FAM178B: variants seen among roughly 807,000 people sequenced by gnomAD.
FAM178B encodes the protein family with sequence similarity 178 member B.
In FAM178B, 82 loss-of-function variants were observed where a neutral mutation model predicts 91.7. The ratio of observed to expected loss-of-function variants is 0.89; its 90% CI spans 0.75 to 1.07. FAM178B has a LOEUF of 1.07. Among genes scored for constraint, FAM178B ranks in the 50% least tolerant of loss-of-function variants. The probability of loss-of-function intolerance (pLI) is 0.00; values close to 1 mark genes in which losing one functional copy is unlikely to be tolerated. For synonymous variants in FAM178B, 368 were observed against 359.4 expected, an observed-to-expected ratio of 1.02 and a Z score of -0.27; for missense variants, 769 against 846.7, an observed-to-expected ratio of 0.91 and a Z score of 1.14.
chr2:96,896,486 G>A (rs1044079466), intron 13 of FAM178B, among the ~76,000 whole-genome samples: 10 of 152,098 alleles, frequency 6.6e-5, no homozygotes, highest in South Asian at 2.1e-4. Flanking sequence ...TCCCTACACC[G>A]ACATCACTGC....
At chr2:96,971,151 ACAT>A (rs2082211753) in intron 3 of FAM178B, among the ~76,000 whole-genome samples, 3 of 151,692 alleles carry the variant, frequency 2.0e-5, no homozygotes, top group Non-Finnish European at 1.5e-5. Flanking sequence ...CAATGATCTG[ACAT>A]CATTCCCTAT....
intron 8 of FAM178B, among the ~76,000 whole-genome samples, chr2:96,945,996 C>T (rs954917981): frequency 6.6e-6 from 1 of 152,136 alleles, no homozygotes; most frequent in African/African-American, 2.4e-5. Context: ...AGTAACTCCC[C>T]ACTCTCTCCT....
chr2:96,909,550 G>A (rs1025496468), intron 12 of FAM178B, among the ~76,000 whole-genome samples: 6 of 152,162 alleles, frequency 3.9e-5, no homozygotes, highest in East Asian at 1.9e-4. Context: ...GTCCTCTGAC[G>A]GCCCTGGGGG....
intron 1 of FAM178B, among the ~76,000 whole-genome samples, chr2:96,978,770 G>A (rs1360165873): frequency 2.0e-5 from 3 of 150,480 alleles, no homozygotes; most frequent in Non-Finnish European, 3.0e-5. Context: ...AATTACAGGC[G>A]CCCGCCACCA....
At chr2:96,922,813 T>G (rs2153371013) in intron 10 of FAM178B, among the ~76,000 whole-genome samples, 1 of 152,080 alleles carries the variant, frequency 6.6e-6, no homozygotes, top group East Asian at 1.9e-4. Flanking sequence ...CAAGCAATTC[T>G]CCTGCCTCAG....
chr2:96,904,655 A>G (rs1264725631), intron 12 of FAM178B, among the ~76,000 whole-genome samples: 1 of 150,474 alleles, frequency 6.6e-6, no homozygotes, highest in African/African-American at 2.5e-5. Context: ...TGGCCTCCCA[A>G]AGTGTTGGAA....
chr2:96,899,501 G>A (rs1395944936), intron 13 of FAM178B, among the ~76,000 whole-genome samples: 1 of 152,070 alleles, frequency 6.6e-6, no homozygotes, highest in Non-Finnish European at 1.5e-5. Context: ...TGGCCCCTGG[G>A]GAGCCTGGGA....
Position 96,877,879 on chromosome 2 carries a change from G to A in FAM178B, c.2007+11C>T. 2 of 1,611,660 alleles carry A rather than the reference G, an allele frequency of 1.2e-6. No individual in the cohort carries two copies. Among genetic ancestry groups the A allele is most frequent in the South Asian group, 1.1e-5 (1 of 90,970 alleles). On this transcript the variant is annotated intron_variant, in intron 16 of 16. Coordinates refer to ENST00000490605, the MANE Select transcript of FAM178B (RefSeq NM_001122646.3). The stretch of plus-strand genomic sequence containing the variant: ...GCCCCTCCCAGGTCTGGGGGCTAGA[G>A]GGGGCACCACCTGGGGCTGGCAGTG...
rs145520273 is a variant in FAM178B at position 96,894,006 on chromosome 2, G to C, written c.1696C>G (p.Leu566Val). Reference sequence around the variant, plus strand: ...GGCACAGAGTCCAGGTATTGCCTGAGAGATGATGGCCTCATGAGGCCCAGG... The same window carrying C: ...GGCACAGAGTCCAGGTATTGCCTGACAGATGATGGCCTCATGAGGCCCAGG... ...RLLGLMRPSS[L>V]RQYLDSVPLP... Residue 566 changes from leucine (L) to valine (V), a missense_variant, in exon 14 of 17, where the codon CTC becomes GTC. Physicochemically the swap from Leu to Val is conservative, Grantham distance 32 (BLOSUM62 1). Transcript: ENST00000490605. 2.7e-5 allele frequency: 44 copies of C among 1,612,672 alleles called. No homozygotes were observed. In the African/African-American group the frequency reaches 5.9e-4, roughly 21 times the overall value.
At chr2:96,974,076 ATAACT>A (rs2082257883) in intron 1 of FAM178B, among the ~76,000 whole-genome samples, 1 of 151,762 alleles carries the variant, frequency 6.6e-6, no homozygotes, top group Admixed American at 6.6e-5. Context: ...CACTAAGGAA[ATAACT>A]TAAAAATATA....
chr2:96,912,206 C>T (rs1343755449), intron 12 of FAM178B, among the ~76,000 whole-genome samples: 1 of 152,120 alleles, frequency 6.6e-6, no homozygotes, highest in African/African-American at 2.4e-5. Context: ...CGGAGACATC[C>T]TCAACTAAGG....
chr2:96,895,708 A>G (rs2080808675), intron 13 of FAM178B, among the ~76,000 whole-genome samples: 1 of 152,202 alleles, frequency 6.6e-6, no homozygotes, highest in South Asian at 2.1e-4. Flanking sequence ...TCACAAAAGC[A>G]CCATCTCTTT....
rs544097631 is a variant in FAM178B, at chr2:96,976,255, G to A, written c.74-3649C>T. ...ACTACAGGTGCGTGCCACCATGCCC[G>A]GCTAATTTTTTGTATTTTTAGTAGA... On this transcript the variant is annotated intron_variant, in intron 1 of 16. Transcript: ENST00000490605. Among the ~76,000 whole-genome samples, 11 of 151,714 alleles carry A rather than the reference G, an allele frequency of 7.3e-5. No homozygotes were observed. The South Asian group carries it at 8.4e-4, about 12-fold the overall frequency.
intron 15 of FAM178B, among the ~76,000 whole-genome samples, 178 bp from the exon 16 acceptor site, chr2:96,878,220 C>T (rs1204213825): frequency 2.0e-5 from 3 of 152,188 alleles, no homozygotes; most frequent in Non-Finnish European, 4.4e-5. Flanking sequence ...GTCAGTGTCC[C>T]TTGGGAATGG....
chr2:96,909,150 A>G (rs1161883915), intron 12 of FAM178B, among the ~76,000 whole-genome samples: 1 of 116,764 alleles, frequency 8.6e-6, no homozygotes, highest in East Asian at 2.3e-4. Flanking sequence ...CTCAAAAAAA[A>G]AAAAAAAAAA....
intron 14 of FAM178B, among the ~76,000 whole-genome samples, chr2:96,887,904 G>A (rs1459532903): frequency 6.6e-6 from 1 of 152,210 alleles, no homozygotes; most frequent in Non-Finnish European, 1.5e-5. Flanking sequence ...GTGCTGCCAA[G>A]GCCCTGAGCA....
At chr2:96,970,848 C>T (rs1333736360) in intron 3 of FAM178B, 71 bp from the exon 4 acceptor site, 2 of 1,031,846 alleles carry the variant, frequency 1.9e-6, no homozygotes, top group Non-Finnish European at 2.9e-6. Flanking sequence ...AGAAAAAAAA[C>T]TAAATTAAGC....
rs1559097994 is a variant in FAM178B at position 96,960,308 on chromosome 2, G to A, written c.867C>T (p.His289=). 1 of 1,551,752 alleles carries A rather than the reference G, an allele frequency of 6.4e-7. No individual in the cohort carries two copies. Among genetic ancestry groups the A allele is most frequent in the Middle Eastern group, 1.7e-4 (1 of 5,988 alleles). The change falls in exon 6 of 17, where the codon CAC becomes CAT. Residue 289 remains histidine, a synonymous_variant. Coordinates refer to ENST00000490605, the MANE Select transcript of FAM178B (RefSeq NM_001122646.3). The part of the protein sequence containing the change: ...LDSSLLKPRS[H]LEGLFLSSPP... ...CTTACCTGAGGAACAGCCCTTCCAGGTGGCTGCGTGGCTTCAGGAGTGAGG... is the reference window on the plus strand; with the variant it reads ...CTTACCTGAGGAACAGCCCTTCCAGATGGCTGCGTGGCTTCAGGAGTGAGG...
At chr2:96,910,060 A>G (rs2081125279) in intron 12 of FAM178B, among the ~76,000 whole-genome samples, 1 of 152,180 alleles carries the variant, frequency 6.6e-6, no homozygotes, top group Non-Finnish European at 1.5e-5. Context: ...ACCTACATAC[A>G]GGCACTGCAC....
Sources: allele counts gnomAD v4.1 joint callset (sites outside exome capture counted in the v4.1 genomes callset), GRCh38; gene constraint gnomAD v4.1.1; transcripts MANE v1.5; gene names NCBI Gene and HGNC (gene_info 2026-07-23, HGNC 2026-07-21).